The following B4GALNT2 variants were observed in gnomAD, a reference collection of about 807,000 sequenced individuals.
B4GALNT2 encodes N-acetylneuraminylgalactosylglucosyl-glucoside beta-1,4-N- acetylgalactosaminyltransferase 2.
In B4GALNT2, 42 loss-of-function variants were observed where a neutral mutation model predicts 51.1. The ratio of observed to expected loss-of-function variants is 0.82; its 90% CI spans 0.64 to 1.06. B4GALNT2 has a LOEUF of 1.06. Ranked by LOEUF, B4GALNT2 falls within the 50% of genes least tolerant of loss-of-function variation. The pLI is 0.00. For synonymous variants in B4GALNT2, 253 were observed against 251.7 expected (o/e 1.01, Z -0.05); for missense variants, 602 against 633.6 (o/e 0.95, Z 0.54).
intron 10 of B4GALNT2, 25 bp from the exon 11 acceptor site, chr17:49,169,498 C>T (rs1598219288): frequency 1.2e-6 from 2 of 1,602,296 alleles, no homozygotes; most frequent in East Asian, 4.5e-5. Context: ...GCTCCCACTT[C>T]CTTCTGCTCT....
intron 3 of B4GALNT2, among the ~76,000 whole-genome samples, chr17:49,149,405 G>A (rs1490529069): frequency 6.6e-6 from 1 of 152,046 alleles, no homozygotes; most frequent in African/African-American, 2.4e-5. Context: ...CAACACTTTG[G>A]GAGGCTGAGG....
intron 1 of B4GALNT2, among the ~76,000 whole-genome samples, chr17:49,133,468 G>A (rs1188890846): frequency 6.6e-6 from 1 of 152,150 alleles, no homozygotes; most frequent in Non-Finnish European, 1.5e-5. Flanking sequence ...TACGAAGAAG[G>A]ATCAGACATA....
chr17:49,133,544 C>G (rs2144263949), intron 1 of B4GALNT2, among the ~76,000 whole-genome samples: 1 of 152,310 alleles, frequency 6.6e-6, no homozygotes, highest in African/African-American at 2.4e-5. Context: ...AAAACAATCG[C>G]TAAACATTGA....
chr17:49,139,399 C>T (rs1367811396), intron 1 of B4GALNT2, among the ~76,000 whole-genome samples: 4 of 152,110 alleles, frequency 2.6e-5, no homozygotes, highest in Non-Finnish European at 5.9e-5. Flanking sequence ...CCACCATGCC[C>T]AGCTATTTTT....
At chr17:49,156,744 G>A in intron 5 of B4GALNT2, 141 bp downstream of exon 5, 1 of 980,206 alleles carries the variant, frequency 1.0e-6, no homozygotes, top group Non-Finnish European at 1.5e-6. Flanking sequence ...ATGGAAGGGT[G>A]TGTAGAAAAC....
At chr17:49,133,123 T>G in intron 1 of B4GALNT2, 1 of 1,529,260 alleles carries the variant, frequency 6.5e-7, no homozygotes, top group Non-Finnish European at 8.7e-7. Context: ...GGGAATCGGC[T>G]CGGGAGTGCG....
chr17:49,136,527 T>TTTA (rs995469276), intron 1 of B4GALNT2, among the ~76,000 whole-genome samples: 17 of 95,110 alleles, frequency 1.8e-4, no homozygotes, highest in Admixed American at 4.6e-4. Context: ...AGTTTATTTA[T>TTTA]TTATTTATTT....
chr17:49,128,301 C>T (rs527841966), upstream of B4GALNT2, among the ~76,000 whole-genome samples: 21 of 152,126 alleles, frequency 1.4e-4, no homozygotes, highest in South Asian at 3.9e-3. Context: ...AGTTTTTGAA[C>T]GGGTCACAGG....
intron 6 of B4GALNT2, among the ~76,000 whole-genome samples, chr17:49,160,213 AGGGTG>A (rs1192611684): frequency 1.3e-5 from 2 of 152,204 alleles, no homozygotes; most frequent in East Asian, 3.8e-4. Flanking sequence ...GAGATAAAAT[AGGGTG>A]GGTATTTTTA....
the B4GALNT2 span, among the ~76,000 whole-genome samples, chr17:49,126,189 T>G: frequency 1.3e-5 from 2 of 152,210 alleles, no homozygotes; most frequent in African/African-American, 4.8e-5. Flanking sequence ...CCTGTTGATC[T>G]ATGACCTTAC....
chr17:49,130,106 C>G (rs1014089572), upstream of B4GALNT2, among the ~76,000 whole-genome samples: 6 of 152,184 alleles, frequency 3.9e-5, no homozygotes, highest in African/African-American at 1.4e-4. Flanking sequence ...GCAGTCATCC[C>G]TAGAGCAGGG....
upstream of B4GALNT2, among the ~76,000 whole-genome samples, chr17:49,128,726 C>T (rs542434501): frequency 1.5e-4 from 23 of 152,222 alleles, no homozygotes; most frequent in East Asian, 1.5e-3. Context: ...AATTTGTACC[C>T]GGGCCAGGCC....
intron 3 of B4GALNT2, among the ~76,000 whole-genome samples, chr17:49,150,311 C>T (rs766354171): frequency 0.043 from 6,363 of 147,514 alleles, 583 homozygotes; most frequent in Non-Finnish European, 0.061. Flanking sequence ...GGGTCAGCCC[C>T]CCCCGCCTGG....
chr17:49,165,487 C>A (rs2042903545), intron 8 of B4GALNT2, among the ~76,000 whole-genome samples: 1 of 114,474 alleles, frequency 8.7e-6, no homozygotes, highest in Non-Finnish European at 1.8e-5. Context: ...TTCTTCCCAC[C>A]CTCCCTCTTC....
chr17:49,175,542 C>T lies in B4GALNT2; in HGVS notation c.*5814C>T, dbSNP rs1197218879. The T allele has an allele frequency of 1.3e-5, 2 of 152,254 alleles. No homozygotes were observed. Among genetic ancestry groups the T allele is most frequent in the East Asian group, 3.9e-4 (2 of 5,184 alleles). 9.4% of individuals were successfully genotyped at this position (152,254 alleles called of 1,614,324 possible). On this transcript the variant is annotated 3_prime_UTR_variant, in exon 11 of 11. Coordinates refer to ENST00000393354, the MANE Select transcript of B4GALNT2 (RefSeq NM_001159387.2). ...AAGCATCCACAGACCCCTATTGGAA[C>T]TTTTTGTGGGGATTCCCCAAGCATA...
the B4GALNT2 span, among the ~76,000 whole-genome samples, chr17:49,126,563 A>G: frequency 6.6e-6 from 1 of 150,514 alleles, no homozygotes; most frequent in Non-Finnish European, 1.5e-5. Context: ...GGCCAGTTGT[A>G]CAGCTAAGAG....
chr17:49,176,831 T>TA lies in B4GALNT2; in HGVS notation c.*7104dup, dbSNP rs1292962513. On this transcript the variant is annotated 3_prime_UTR_variant, in exon 11 of 11. Coordinates refer to ENST00000393354, the MANE Select transcript of B4GALNT2 (RefSeq NM_001159387.2). Reference sequence around the variant, plus strand: ...AATAAAAATTCCTGAAAAATGGACTTACAGCAAAATTGATTTTGGTACTCA... The same window carrying TA: ...AATAAAAATTCCTGAAAAATGGACTTAACAGCAAAATTGATTTTGGTACTCA... The TA allele has an allele frequency of 3.3e-5, 5 of 152,230 alleles. No homozygotes were observed. Among genetic ancestry groups the TA allele is most frequent in the African/African-American group, 7.2e-5 (3 of 41,460 alleles). The allele number at this position is 152,230 out of a possible 1,614,324, so 9.4% of individuals were successfully genotyped here.
chr17:49,142,323 G>T, intron 3 of B4GALNT2, 151 bp downstream of exon 3: 1 of 999,786 alleles, frequency 1.0e-6, no homozygotes. Context: ...AAACAAAGAA[G>T]GAATCGAGGA....
rs368318516 is a variant in B4GALNT2, at chr17:49,169,595, G to C, written c.1388G>C (p.Arg463Pro). 8.7e-6 allele frequency: 14 copies of C among 1,613,130 alleles called. No homozygotes were observed. The East Asian group carries it at 2.0e-4, about 23-fold the overall frequency. The change falls in exon 11 of 11, where the codon CGG (arginine) becomes CCG (proline). Residue 463 changes from arginine to proline, a missense_variant. By Grantham distance (103) the Arg-to-Pro change is moderately radical. Coordinates refer to ENST00000393354, the MANE Select transcript of B4GALNT2 (RefSeq NM_001159387.2). Reference protein sequence around the residue: ...CPEVIIGHQSRSPVVDSELAA... With the variant: ...CPEVIIGHQSPSPVVDSELAA... ...GAAGTGATTATAGGTCACCAGTCTC[G>C]GTCTCCAGTGGTGGACTCAGAACTG...
Sources: gnomAD v4.1 joint callset for allele counts (sites outside exome capture counted in the v4.1 genomes callset) on GRCh38, gnomAD v4.1.1 for gene constraint, MANE v1.5 for transcripts, NCBI Gene and HGNC (gene_info 2026-07-23, HGNC 2026-07-21) for gene names.